The following XKR9 variants were observed in gnomAD, a reference collection of about 807,000 sequenced individuals.
The protein encoded by XKR9 is XK-related protein 9.
A neutral mutation model predicts 32.0 loss-of-function variants in XKR9; 32 were observed. The ratio of observed to expected loss-of-function variants is 1.00; its 90% CI spans 0.76 to 1.34. The LOEUF (loss-of-function observed/expected upper bound fraction) is 1.34, where lower values mean the gene tolerates loss of function less well. Among genes scored for constraint, XKR9 ranks in the 40% most tolerant of loss-of-function variants. The pLI, the probability that XKR9 is intolerant of heterozygous loss-of-function variation, is 0.00. For synonymous variants in XKR9, 168 were observed against 143.4 expected, an observed-to-expected ratio of 1.17 and a Z score of -1.22; for missense variants, 546 against 429.7, an observed-to-expected ratio of 1.27 and a Z score of -2.39.
chr8:70,676,401 A>G (rs973917259), intron 2 of XKR9, among the ~76,000 whole-genome samples: 1 of 152,222 alleles, frequency 6.6e-6, no homozygotes, highest in African/African-American at 2.4e-5. Context: ...GAAGTCCCCT[A>G]TGAAGCCAAA....
At chr8:70,675,322 G>GA (rs137909501) in intron 2 of XKR9, among the ~76,000 whole-genome samples, 1 of 152,244 alleles carries the variant, frequency 6.6e-6, no homozygotes, top group East Asian at 1.9e-4. Flanking sequence ...GCTACTTGGA[G>GA]AGGCTGAGGC....
the XKR9 span, among the ~76,000 whole-genome samples, chr8:70,812,611 A>G: frequency 2.0e-5 from 3 of 152,226 alleles, no homozygotes; most frequent in Non-Finnish European, 4.4e-5. Context: ...ATACAAAATC[A>G]ATGTACAAAA....
intron 2 of XKR9, among the ~76,000 whole-genome samples, chr8:70,767,186 C>T (rs538328910): frequency 6.6e-6 from 1 of 152,208 alleles, no homozygotes; most frequent in African/African-American, 2.4e-5. Context: ...ACCAGCTCCT[C>T]TTTGTACCTC....
At chr8:70,973,699 A>T in the XKR9 span, among the ~76,000 whole-genome samples, 4,322 of 152,242 alleles carry the variant, frequency 0.028, 180 homozygotes, top group African/African-American at 0.1. Flanking sequence ...TTAAATCTCC[A>T]TCTTGATTTC....
chr8:70,706,685 A>G (rs1805727417), intron 3 of XKR9, among the ~76,000 whole-genome samples: 1 of 152,114 alleles, frequency 6.6e-6, no homozygotes. Context: ...TGTAAAGATG[A>G]AATGGGATTA....
the XKR9 span, among the ~76,000 whole-genome samples, chr8:71,024,632 G>A: frequency 1.9e-3 from 296 of 152,284 alleles, no homozygotes; most frequent in African/African-American, 6.8e-3. Context: ...CTGTCTCAGA[G>A]TTTGCAGGGG....
the XKR9 span, among the ~76,000 whole-genome samples, chr8:70,853,773 C>G: frequency 2.6e-5 from 4 of 152,044 alleles, no homozygotes; most frequent in Non-Finnish European, 5.9e-5. Flanking sequence ...TGAGAACATG[C>G]AGTGTTTGGT....
chr8:70,802,783 T>C, the XKR9 span, among the ~76,000 whole-genome samples: 1 of 152,200 alleles, frequency 6.6e-6, no homozygotes, highest in South Asian at 2.1e-4. Context: ...ATTTATTTTA[T>C]TTAAGAATGC....
chr8:70,828,635 A>G, the XKR9 span, among the ~76,000 whole-genome samples: 1 of 151,886 alleles, frequency 6.6e-6, no homozygotes, highest in East Asian at 1.9e-4. Flanking sequence ...AGGCAGGAGA[A>G]TCGCTTGAAC....
At chr8:70,964,145 AAGG>A in the XKR9 span, among the ~76,000 whole-genome samples, 1 of 152,112 alleles carries the variant, frequency 6.6e-6, no homozygotes, top group Non-Finnish European at 1.5e-5. Context: ...TTTTTTGTAT[AAGG>A]TATAAGAATG....
At chr8:70,938,654 CAG>C in the XKR9 span, among the ~76,000 whole-genome samples, 1 of 152,066 alleles carries the variant, frequency 6.6e-6, no homozygotes, top group Non-Finnish European at 1.5e-5. Flanking sequence ...GCACAATAGA[CAG>C]AGAATCAGCA....
intron 2 of XKR9, among the ~76,000 whole-genome samples, chr8:70,779,025 C>A (rs1202399399): frequency 3.3e-5 from 5 of 152,154 alleles, no homozygotes; most frequent in Non-Finnish European, 7.3e-5. Context: ...TTGTCTTGCA[C>A]TGGTTTTCAA....
At chr8:70,872,014 A>G in the XKR9 span, among the ~76,000 whole-genome samples, 2 of 152,238 alleles carry the variant, frequency 1.3e-5, no homozygotes, top group South Asian at 4.1e-4. Flanking sequence ...CATCATTGCT[A>G]TGGAACTGGA....
the XKR9 span, among the ~76,000 whole-genome samples, chr8:70,908,526 G>GT: frequency 6.6e-6 from 1 of 152,158 alleles, no homozygotes; most frequent in Non-Finnish European, 1.5e-5. Flanking sequence ...AATGAGAATG[G>GT]TTGCTCTAGA....
At chr8:70,963,760 T>C in the XKR9 span, among the ~76,000 whole-genome samples, 24 of 152,256 alleles carry the variant, frequency 1.6e-4, no homozygotes, top group Non-Finnish European at 1.5e-4. Context: ...GCTGCATGAA[T>C]GTCTTCTTTT....
At chr8:70,837,608 G>A in the XKR9 span, among the ~76,000 whole-genome samples, 1 of 152,018 alleles carries the variant, frequency 6.6e-6, no homozygotes, top group Non-Finnish European at 1.5e-5. Context: ...GGATTGAAAA[G>A]GAAGGAAGAA....
chr8:70,675,078 T>C (rs990011865), intron 2 of XKR9, among the ~76,000 whole-genome samples, 179 bp downstream of exon 2: 1 of 152,192 alleles, frequency 6.6e-6, no homozygotes, highest in African/African-American at 2.4e-5. Flanking sequence ...TTGAAACCGT[T>C]TGTGTTAAGC....
the XKR9 span, among the ~76,000 whole-genome samples, chr8:70,928,914 C>A: frequency 1.3e-5 from 2 of 152,148 alleles, no homozygotes; most frequent in Non-Finnish European, 2.9e-5. Context: ...ATTCTGCACA[C>A]CATTTCACAA....
At chr8:70,694,656 C>A (rs1016582301) in intron 3 of XKR9, among the ~76,000 whole-genome samples, 3 of 152,216 alleles carry the variant, frequency 2.0e-5, no homozygotes, top group African/African-American at 7.2e-5. Context: ...CAGCCCGCCC[C>A]TCCTCCCAGG....
Sources: allele counts gnomAD v4.1 joint callset (sites outside exome capture counted in the v4.1 genomes callset), GRCh38; gene constraint gnomAD v4.1.1; transcripts MANE v1.5; gene names NCBI Gene and HGNC (gene_info 2026-07-23, HGNC 2026-07-21).